Variants in CPA6 observed in about 807,000 individuals in gnomAD.
CPA6 encodes the protein carboxypeptidase A6.
CPA6 carries 58 observed loss-of-function variants against 63.3 expected under a neutral mutation model. The ratio of observed to expected loss-of-function variants is 0.92; its 90% CI spans 0.74 to 1.14. The LOEUF (loss-of-function observed/expected upper bound fraction) is 1.14, where lower values mean the gene tolerates loss of function less well. Ranked by LOEUF, CPA6 falls within the 50% of genes most tolerant of loss-of-function variation. CPA6 has a pLI of 0.00. For missense variants in CPA6, 565 were observed against 526.6 expected (o/e 1.07, Z -0.71); for synonymous variants, 185 against 179.0 (o/e 1.03, Z -0.27).
chr8:67,576,074 G>A (rs980087823), intron 2 of CPA6, among the ~76,000 whole-genome samples: 1 of 152,134 alleles, frequency 6.6e-6, no homozygotes, highest in African/African-American at 2.4e-5. Flanking sequence ...AGCCTCAGTT[G>A]CATAGTAGGA....
intron 2 of CPA6, among the ~76,000 whole-genome samples, chr8:67,562,549 T>C (rs890905384): frequency 1.3e-5 from 2 of 152,194 alleles, no homozygotes; most frequent in Admixed American, 1.3e-4. Flanking sequence ...TGACTGTGTC[T>C]TCCCAACTTC....
chr8:67,592,399 C>G (rs1199701232), intron 2 of CPA6, among the ~76,000 whole-genome samples: 1 of 152,132 alleles, frequency 6.6e-6, no homozygotes, highest in African/African-American at 2.4e-5. Flanking sequence ...ATGCTGGCCT[C>G]ATAAAATGAG....
intron 1 of CPA6, 90 bp from the exon 2 acceptor site, chr8:67,624,341 C>T: frequency 1.6e-6 from 1 of 644,984 alleles, no homozygotes; most frequent in African/African-American, 1.9e-5. Context: ...ACTGCCTCTG[C>T]ATTTAAGAAG....
intron 1 of CPA6, among the ~76,000 whole-genome samples, chr8:67,654,439 CAG>C (rs1382052369): frequency 1.3e-5 from 2 of 152,162 alleles, no homozygotes; most frequent in Non-Finnish European, 2.9e-5. Context: ...TTGGTCTATT[CAG>C]AGATTCAACT....
chr8:67,709,679 G>A (rs975207384), intron 1 of CPA6, among the ~76,000 whole-genome samples: 1 of 152,184 alleles, frequency 6.6e-6, no homozygotes, highest in Non-Finnish European at 1.5e-5. Flanking sequence ...TCATAATTTG[G>A]TTTTAGACAT....
In CPA6 at chr8:67,538,418, T is replaced by C. The variant is rs750290702; in HGVS notation, c.193-20371A>G. The stretch of plus-strand genomic sequence containing the variant: ...GGATATTTAGCTCTTCTTGTTGTAT[T>C]GATCCCTTTATCATTACGTGATGCC... On this transcript the variant is annotated intron_variant, in intron 2 of 10. Coordinates refer to ENST00000297770, the MANE Select transcript of CPA6 (RefSeq NM_020361.5). Among the ~76,000 whole-genome samples, 27 of 152,286 alleles carry C rather than the reference T, an allele frequency of 1.8e-4. 1 individual carries two copies. Among genetic ancestry groups the C allele is most frequent in the Middle Eastern group, 6.8e-3 (2 of 294 alleles).
chr8:67,430,451 G>C (rs1480095336), intron 9 of CPA6, among the ~76,000 whole-genome samples: 1 of 151,940 alleles, frequency 6.6e-6, no homozygotes, highest in Non-Finnish European at 1.5e-5. Flanking sequence ...TCCCAAAATA[G>C]TATATATTTT....
intron 2 of CPA6, among the ~76,000 whole-genome samples, chr8:67,524,816 A>C (rs1473744181): frequency 6.6e-6 from 1 of 152,080 alleles, no homozygotes; most frequent in Non-Finnish European, 1.5e-5. Context: ...GCATTTCTAG[A>C]TTCTGAATCC....
chr8:67,650,830 A>C (rs944769114), intron 1 of CPA6, among the ~76,000 whole-genome samples: 2 of 152,290 alleles, frequency 1.3e-5, no homozygotes, highest in South Asian at 2.1e-4. Flanking sequence ...ATGGGTTGCC[A>C]GCAGGGGACC....
At chr8:67,579,703 C>T (rs1182732457) in intron 2 of CPA6, among the ~76,000 whole-genome samples, 2 of 152,178 alleles carry the variant, frequency 1.3e-5, no homozygotes, top group Non-Finnish European at 2.9e-5. Flanking sequence ...GCCTGTTTTT[C>T]TATGGCCTCA....
intron 2 of CPA6, among the ~76,000 whole-genome samples, chr8:67,583,153 G>C (rs1813820400): frequency 6.6e-6 from 1 of 150,464 alleles, no homozygotes. Flanking sequence ...ATGATTTTGA[G>C]GGTGAGGGGG....
chr8:67,557,058 C>G (rs557614883), intron 2 of CPA6, among the ~76,000 whole-genome samples: 4 of 152,254 alleles, frequency 2.6e-5, no homozygotes, highest in Admixed American at 2.6e-4. Flanking sequence ...CTGAACACCC[C>G]CTCTAACTTT....
intron 1 of CPA6, 62 bp downstream of exon 1, chr8:67,745,952 G>T: frequency 7.9e-7 from 1 of 1,272,156 alleles, no homozygotes; most frequent in South Asian, 1.4e-5. Context: ...GCACACTCTG[G>T]AGCAAACCAG....
chr8:67,429,822 GA>G (rs796115584), intron 9 of CPA6, among the ~76,000 whole-genome samples: 25 of 150,912 alleles, frequency 1.7e-4, no homozygotes, highest in Admixed American at 3.3e-4. Flanking sequence ...AAAAATCTAA[GA>G]AAAAAAAAGA....
chr8:67,501,854 A>C (rs1811835710), intron 6 of CPA6, among the ~76,000 whole-genome samples: 1 of 152,182 alleles, frequency 6.6e-6, no homozygotes, highest in Admixed American at 6.6e-5. Context: ...TCTCCAGTGA[A>C]AGCTTCTGGG....
intron 2 of CPA6, among the ~76,000 whole-genome samples, chr8:67,565,822 G>C (rs910218759): frequency 6.6e-6 from 1 of 152,160 alleles, no homozygotes; most frequent in African/African-American, 2.4e-5. Context: ...AGATCTCTCT[G>C]AGATGTCATC....
At chr8:67,445,993 G>C (rs182608084) in intron 8 of CPA6, among the ~76,000 whole-genome samples, 2 of 152,264 alleles carry the variant, frequency 1.3e-5, no homozygotes, top group African/African-American at 4.8e-5. Flanking sequence ...GGCCGGGGGC[G>C]GTGGCTCACG....
chr8:67,430,044 C>CT (rs1809985476), intron 9 of CPA6, among the ~76,000 whole-genome samples: 1 of 151,914 alleles, frequency 6.6e-6, no homozygotes, highest in Non-Finnish European at 1.5e-5. Flanking sequence ...AGTGATCCCT[C>CT]TTTTTTCTAC....
chr8:67,594,571 G>A (rs1814240500), intron 2 of CPA6, among the ~76,000 whole-genome samples: 1 of 152,120 alleles, frequency 6.6e-6, no homozygotes, highest in Non-Finnish European at 1.5e-5. Context: ...TTTCTTGGAG[G>A]CTTTGTTTGT....
Sources: allele counts gnomAD v4.1 joint callset (sites outside exome capture counted in the v4.1 genomes callset), GRCh38; gene constraint gnomAD v4.1.1; transcripts MANE v1.5; gene names NCBI Gene and HGNC (gene_info 2026-07-23, HGNC 2026-07-21).